The following PPARGC1A variants were observed in gnomAD, a reference collection of about 807,000 sequenced individuals.
PPARGC1A encodes the protein peroxisome proliferator-activated receptor gamma coactivator 1-alpha.
PPARGC1A carries 25 observed loss-of-function variants against 88.7 expected under a neutral mutation model. That is an observed-to-expected ratio of 0.28 (90% CI 0.21 to 0.39). PPARGC1A has a LOEUF of 0.39. PPARGC1A is among the 10% of genes least tolerant of loss of function. The probability of loss-of-function intolerance (pLI) is 1.00; values close to 1 mark genes in which losing one functional copy is unlikely to be tolerated. For missense variants in PPARGC1A, 880 were observed against 968.7 expected (o/e 0.91, Z 1.22); for synonymous variants, 363 against 355.6 (o/e 1.02, Z -0.24).
At chr4:23,907,481 T>C (rs1720186172), upstream of PPARGC1A, among the ~76,000 whole-genome samples, 1 of 152,330 alleles carries the variant, frequency 6.6e-6, no homozygotes, top group East Asian at 1.9e-4. Flanking sequence ...GTGAAGGCTG[T>C]GCATTCAGTA....
chr4:24,198,553 C>T, the PPARGC1A span, among the ~76,000 whole-genome samples: 1 of 152,326 alleles, frequency 6.6e-6, no homozygotes, highest in South Asian at 2.1e-4. Flanking sequence ...TGTCAACAAG[C>T]TTACTCTCTT....
At chr4:24,137,179 T>C in the PPARGC1A span, among the ~76,000 whole-genome samples, 1 of 151,262 alleles carries the variant, frequency 6.6e-6, no homozygotes, top group Admixed American at 6.6e-5. Context: ...TAATGTCATA[T>C]GCCTGGTGTC....
chr4:24,000,716 C>G, the PPARGC1A span, among the ~76,000 whole-genome samples: 2 of 152,064 alleles, frequency 1.3e-5, no homozygotes, highest in South Asian at 4.2e-4. Flanking sequence ...AGTGCATCCA[C>G]GATTTGATGA....
At chr4:23,840,861 T>C (rs1330596966) in intron 2 of PPARGC1A, among the ~76,000 whole-genome samples, 1 of 152,144 alleles carries the variant, frequency 6.6e-6, no homozygotes, top group Admixed American at 6.6e-5. Flanking sequence ...GTCTTCTTAA[T>C]AATGTTTAGC....
the PPARGC1A span, among the ~76,000 whole-genome samples, chr4:23,946,415 A>T: frequency 1.3e-5 from 2 of 152,076 alleles, no homozygotes; most frequent in Admixed American, 1.3e-4. Context: ...GCTGGGCTGG[A>T]TCTAACAATT....
At chr4:24,086,607 G>T in the PPARGC1A span, among the ~76,000 whole-genome samples, 1 of 152,164 alleles carries the variant, frequency 6.6e-6, no homozygotes, top group Admixed American at 6.5e-5. Flanking sequence ...ATAATGACCT[G>T]CCGTGCTCTC....
At chr4:24,466,363 T>G in the PPARGC1A span, among the ~76,000 whole-genome samples, 1 of 152,224 alleles carries the variant, frequency 6.6e-6, no homozygotes, top group East Asian at 1.9e-4. Flanking sequence ...GCCACACAAT[T>G]TCTTCTGTGT....
the PPARGC1A span, among the ~76,000 whole-genome samples, chr4:23,984,568 T>A: frequency 6.6e-6 from 1 of 152,082 alleles, no homozygotes; most frequent in Non-Finnish European, 1.5e-5. Flanking sequence ...AAAAAAAGTC[T>A]TAGGGAATAA....
the PPARGC1A span, among the ~76,000 whole-genome samples, chr4:24,099,449 C>T: frequency 4.6e-5 from 7 of 152,090 alleles, no homozygotes; most frequent in African/African-American, 1.7e-4. Flanking sequence ...AAGTTATTTT[C>T]CAGTTCAGCT....
At chr4:23,851,341 G>A (rs1001721288) in intron 2 of PPARGC1A, among the ~76,000 whole-genome samples, 4 of 152,084 alleles carry the variant, frequency 2.6e-5, no homozygotes, top group African/African-American at 9.7e-5. Flanking sequence ...TGTATTATCA[G>A]AACCAATGAT....
chr4:24,006,721 T>C, the PPARGC1A span, among the ~76,000 whole-genome samples: 6 of 152,042 alleles, frequency 3.9e-5, no homozygotes, highest in Non-Finnish European at 8.8e-5. Flanking sequence ...TGCTTGAAAA[T>C]TGAGTGTTAC....
the PPARGC1A span, among the ~76,000 whole-genome samples, chr4:24,066,293 G>T: frequency 6.6e-6 from 1 of 152,012 alleles, no homozygotes; most frequent in Non-Finnish European, 1.5e-5. Flanking sequence ...AAGTAAAATA[G>T]TCATTTGTTT....
intron 12 of PPARGC1A, among the ~76,000 whole-genome samples, chr4:23,799,173 T>C (rs905844321): frequency 6.6e-6 from 1 of 152,190 alleles, no homozygotes; most frequent in African/African-American, 2.4e-5. Flanking sequence ...ACACTGAATA[T>C]GGTGAGCACA....
the PPARGC1A span, among the ~76,000 whole-genome samples, chr4:23,952,543 G>C: frequency 6.6e-6 from 1 of 152,070 alleles, no homozygotes; most frequent in Non-Finnish European, 1.5e-5. Context: ...GTTCTCATAG[G>C]CTAAGGTAAT....
chr4:23,911,694 G>C, the PPARGC1A span, among the ~76,000 whole-genome samples: 1 of 152,130 alleles, frequency 6.6e-6, no homozygotes, highest in Admixed American at 6.5e-5. Context: ...TAGAGAAATT[G>C]TGATAAGTCA....
the PPARGC1A span, among the ~76,000 whole-genome samples, chr4:24,189,764 T>C: frequency 2.0e-5 from 3 of 152,150 alleles, no homozygotes; most frequent in African/African-American, 7.2e-5. Flanking sequence ...ATGTATTTAG[T>C]TTAATGGATT....
At chr4:24,055,556 A>G in the PPARGC1A span, among the ~76,000 whole-genome samples, 2 of 152,278 alleles carry the variant, frequency 1.3e-5, no homozygotes, top group African/African-American at 2.4e-5. Flanking sequence ...TATAAGAAAT[A>G]GAGCCACAAA....
the PPARGC1A span, among the ~76,000 whole-genome samples, chr4:24,076,967 C>T: frequency 6.6e-6 from 1 of 151,998 alleles, no homozygotes; most frequent in African/African-American, 2.4e-5. Context: ...TTTGTTTCCC[C>T]TGAAGTTAAT....
At chr4:24,193,288 GT>G in the PPARGC1A span, among the ~76,000 whole-genome samples, 1 of 152,198 alleles carries the variant, frequency 6.6e-6, no homozygotes, top group South Asian at 2.1e-4. Context: ...GGTGAAGTCA[GT>G]TTTCAATGAC....
Sources: allele counts gnomAD v4.1 joint callset (sites outside exome capture counted in the v4.1 genomes callset), GRCh38; gene constraint gnomAD v4.1.1; transcripts MANE v1.5; gene names NCBI Gene and HGNC (gene_info 2026-07-23, HGNC 2026-07-21).